Variants in MBP observed in about 807,000 individuals in gnomAD.
The protein encoded by MBP is myelin basic protein.
A neutral mutation model predicts 35.8 loss-of-function variants in MBP; 16 were observed. The observed-to-expected ratio is 0.45, with a 90% CI of 0.30 to 0.68. The LOEUF (loss-of-function observed/expected upper bound fraction) is 0.68, where lower values mean the gene tolerates loss of function less well. Ranked by LOEUF, MBP falls within the 30% of genes least tolerant of loss-of-function variation. The pLI is 0.08. For synonymous variants in MBP, 143 were observed against 159.6 expected (o/e 0.90, Z 0.78); for missense variants, 380 against 404.7 (o/e 0.94, Z 0.52).
At chr18:77,121,801 CT>C (rs1245308252) in intron 1 of MBP, among the ~76,000 whole-genome samples, 1 of 152,198 alleles carries the variant, frequency 6.6e-6, no homozygotes, top group Non-Finnish European at 1.5e-5. Flanking sequence ...GGTGCTCACA[CT>C]TCATAAATCT....
In MBP at chr18:76,999,551, T is replaced by G. The variant is rs187336552; in HGVS notation, c.577-9491A>C. Among the ~76,000 whole-genome samples, 647 of 152,054 alleles carry G rather than the reference T, an allele frequency of 4.3e-3. 8 individuals are homozygous for G. Among genetic ancestry groups the G allele is most frequent in the African/African-American group, 0.015 (606 of 41,472 alleles). ...GCTCACTGCAACCTCGCTCCTGGGT[T>G]CAAGCGATTCTCATACCTCAGCCTC... On this transcript the variant is annotated intron_variant, in intron 4 of 8. Coordinates refer to ENST00000355994, the MANE Select transcript of MBP (RefSeq NM_001025101.2).
At chr18:77,026,852 C>T (rs1330034583) in intron 3 of MBP, among the ~76,000 whole-genome samples, 2 of 152,188 alleles carry the variant, frequency 1.3e-5, no homozygotes, top group Non-Finnish European at 2.9e-5. Context: ...GGCAACAGAG[C>T]AAGACCCCGT....
At chr18:77,061,293 A>C (rs1973967868) in intron 3 of MBP, among the ~76,000 whole-genome samples, 1 of 152,240 alleles carries the variant, frequency 6.6e-6, no homozygotes, top group African/African-American at 2.4e-5. Context: ...GTCTGTGATA[A>C]AAATTTAAGC....
At chr18:77,078,038 C>T (rs974311437) in intron 2 of MBP, among the ~76,000 whole-genome samples, 8 of 152,342 alleles carry the variant, frequency 5.3e-5, no homozygotes, top group South Asian at 4.1e-4. Context: ...CCCACGTGCC[C>T]GCCATGGGCC....
At position 76,988,207 on chromosome 18, in the gene MBP, AGGGAGACCAGTCACGTCGCCT is replaced by A; in HGVS notation, c.750+267_750+287del. On this transcript the variant is annotated intron_variant, in intron 7 of 8. Coordinates refer to ENST00000355994, the MANE Select transcript of MBP (RefSeq NM_001025101.2). This position sits in a 1 kb window ranked among gnomAD's most constrained non-coding sequence, Gnocchi z 5.2. ...GACGTGGTGTTGCTCCCTCCCTGGGAGGGAGACCAGTCACGTCGCCTGGGAACCCTCTGGGAGAAGAGGATC... is the reference window on the plus strand; with the variant it reads ...GACGTGGTGTTGCTCCCTCCCTGGGAGGGAACCCTCTGGGAGAAGAGGATC... 6.5e-7 allele frequency: 1 copy of A among 1,547,908 alleles called. No individual in the cohort carries two copies. Among genetic ancestry groups the A allele is most frequent in the East Asian group, 2.4e-5 (1 of 40,886 alleles).
At chr18:77,050,912 C>A (rs28415261) in intron 3 of MBP, among the ~76,000 whole-genome samples, 1 of 152,124 alleles carries the variant, frequency 6.6e-6, no homozygotes, top group South Asian at 2.1e-4. Context: ...ACTCTCTCAT[C>A]CTACCCGGGG....
At chr18:76,997,399 G>A (rs1970331217) in intron 4 of MBP, among the ~76,000 whole-genome samples, 1 of 152,208 alleles carries the variant, frequency 6.6e-6, no homozygotes, top group Non-Finnish European at 1.5e-5. Context: ...CTGGTTCCTC[G>A]CGGGTGAAAT....
chr18:77,009,995 CA>C (rs1218409279), intron 4 of MBP: 5 of 1,083,444 alleles, frequency 4.6e-6, no homozygotes, highest in African/African-American at 1.6e-5. Context: ...CAAAGTCCTC[CA>C]GCAAATCTCC....
intron 4 of MBP, among the ~76,000 whole-genome samples, chr18:76,998,120 C>G (rs1568275722): frequency 6.6e-6 from 1 of 152,244 alleles, no homozygotes; most frequent in Non-Finnish European, 1.5e-5. Context: ...CCATCCATCT[C>G]CACACCCTCT....
At chr18:77,009,769 C>T (rs1257620820) in intron 4 of MBP, 1 of 1,296,524 alleles carries the variant, frequency 7.7e-7, no homozygotes, top group Non-Finnish European at 1.1e-6. Flanking sequence ...CACTACCTGC[C>T]CCGAGGGACA....
chr18:77,082,056 G>C (rs774921813), intron 2 of MBP, among the ~76,000 whole-genome samples: 1 of 151,174 alleles, frequency 6.6e-6, no homozygotes, highest in Non-Finnish European at 1.5e-5. Flanking sequence ...GTTTCACTGT[G>C]TTAGCCGGGA....
At chr18:77,012,880 A>G (rs1228700876) in intron 4 of MBP, 2 of 985,338 alleles carry the variant, frequency 2.0e-6, no homozygotes, top group African/African-American at 3.5e-5. Flanking sequence ...ATCATGATAC[A>G]ACCACCACAG....
At chr18:77,052,011 G>C (rs535901642) in intron 3 of MBP, among the ~76,000 whole-genome samples, 132 of 152,314 alleles carry the variant, frequency 8.7e-4, no homozygotes, top group African/African-American at 3.1e-3. Flanking sequence ...CTTAAAAAAA[G>C]GTTATGGTGA....
chr18:77,016,069 G>T, intron 4 of MBP: 2 of 985,208 alleles, frequency 2.0e-6, no homozygotes, highest in Non-Finnish European at 2.4e-6. Context: ...TCAGGGACCA[G>T]CGCTTTGATG....
rs371796212 is a variant in MBP at position 76,988,320 on chromosome 18, G to A, written c.750+175C>T. On this transcript the variant is annotated intron_variant, in intron 7 of 8. Transcript: ENST00000355994. The surrounding 1 kb of genome is among the most constrained non-coding windows in gnomAD (Gnocchi z 5.2). Reference sequence around the variant, plus strand: ...CAGACCTTCCGGAAGGGAAGACCACGTTTCATTTCCCCAGTGGAAGACAAG... The same window carrying A: ...CAGACCTTCCGGAAGGGAAGACCACATTTCATTTCCCCAGTGGAAGACAAG... 1.0e-4 allele frequency: 165 copies of A among 1,578,898 alleles called. No individual in the cohort carries two copies. Among genetic ancestry groups the A allele is most frequent in the Middle Eastern group, 8.3e-4 (5 of 6,018 alleles).
intron 2 of MBP, among the ~76,000 whole-genome samples, chr18:77,095,744 T>C (rs4890890): frequency 0.69 from 105,247 of 152,142 alleles, 37,274 homozygotes; most frequent in East Asian, 0.8. Flanking sequence ...TGTCACCCAG[T>C]CTTGTGGCTT....
At chr18:77,066,674 C>T (rs546181506) in intron 2 of MBP, 20 of 617,548 alleles carry the variant, frequency 3.2e-5, no homozygotes, top group South Asian at 1.4e-4. Flanking sequence ...TAGCTACATG[C>T]CATCCCATTT....
intron 3 of MBP, among the ~76,000 whole-genome samples, chr18:77,024,716 G>A (rs1484621933): frequency 1.3e-5 from 2 of 152,278 alleles, no homozygotes; most frequent in African/African-American, 4.8e-5. Context: ...GCCAGGGCCG[G>A]AGGTCTGGGC....
At chr18:77,089,001 G>A (rs1975392367) in intron 2 of MBP, among the ~76,000 whole-genome samples, 1 of 152,254 alleles carries the variant, frequency 6.6e-6, no homozygotes, top group Non-Finnish European at 1.5e-5. Flanking sequence ...CCTTGTCACA[G>A]GGCCTGGCGC....
Sources: gnomAD v4.1 joint callset for allele counts (sites outside exome capture counted in the v4.1 genomes callset) on GRCh38, gnomAD v4.1.1 for gene constraint, Gnocchi (gnomAD v3.1) non-coding constraint, MANE v1.5 for transcripts, NCBI Gene and HGNC (gene_info 2026-07-23, HGNC 2026-07-21) for gene names.